The following DNAJC17 variants were observed in gnomAD, a reference collection of about 807,000 sequenced individuals.
DNAJC17 encodes the protein dnaJ homolog subfamily C member 17.
Under a neutral mutation model 48.1 loss-of-function variants are expected in DNAJC17, and 35 were observed. The ratio of observed to expected loss-of-function variants is 0.73; its 90% CI spans 0.56 to 0.96. DNAJC17 has a LOEUF of 0.96. Among genes scored for constraint, DNAJC17 ranks in the 50% least tolerant of loss-of-function variants. DNAJC17 has a pLI of 0.00. For synonymous variants in DNAJC17, 117 were observed against 142.7 expected (o/e 0.82, Z 1.28); for missense variants, 355 against 377.1 (o/e 0.94, Z 0.48).
chr15:40,784,253 G>A (rs2141954724), intron 1 of DNAJC17, among the ~76,000 whole-genome samples: 1 of 152,188 alleles, frequency 6.6e-6, no homozygotes, highest in South Asian at 2.1e-4. Flanking sequence ...AAGCAAGACA[G>A]AAGGGGTGTC....
At chr15:40,779,024 C>T (rs766054364) in intron 4 of DNAJC17, 199 bp downstream of exon 4, 4 of 652,024 alleles carry the variant, frequency 6.1e-6, no homozygotes, top group Non-Finnish European at 1.1e-5. Context: ...TGTCACAATG[C>T]TTAGCTAATA....
chr15:40,765,200 T>C lies in DNAJC17; in HGVS notation c.*2740A>G, dbSNP rs1888922007. On this transcript the variant is annotated 3_prime_UTR_variant, in exon 11 of 11. Coordinates refer to ENST00000220496, the MANE Select transcript of DNAJC17 (RefSeq NM_018163.3). ...TGGCTTTATTGATATGTAATGTGCA[T>C]ACCATAAATTCTTTGATTTAAAGTG... 1 of 152,260 alleles carries C rather than the reference T, an allele frequency of 6.6e-6. No individual in the cohort carries two copies. The highest frequency in any genetic ancestry group is 1.5e-5 in the Non-Finnish European group (1 of 68,046). 9.4% of individuals were successfully genotyped at this position (152,260 alleles called of 1,614,324 possible). A position where few individuals can be genotyped will look rare whatever the true frequency, so the allele number is the denominator to read the frequency against.
At chr15:40,796,909 G>A (rs985099188) in intron 1 of DNAJC17, among the ~76,000 whole-genome samples, 8 of 152,202 alleles carry the variant, frequency 5.3e-5, no homozygotes, top group Admixed American at 2.0e-4. Flanking sequence ...ACGGGCGTGC[G>A]CCACCACAAT....
chr15:40,796,720 A>T (rs1477010449), intron 1 of DNAJC17, among the ~76,000 whole-genome samples: 1 of 152,184 alleles, frequency 6.6e-6, no homozygotes, highest in African/African-American at 2.4e-5. Context: ...ACATAGAATT[A>T]CCATATGATC....
chr15:40,775,306 G>A (rs150688545), intron 7 of DNAJC17, 198 bp from the exon 8 acceptor site: 13 of 702,212 alleles, frequency 1.9e-5, no homozygotes, highest in Middle Eastern at 4.1e-4. Flanking sequence ...GACGCTTCCC[G>A]CCCAGAAGAC....
At chr15:40,771,245 C>T in intron 10 of DNAJC17, 1 of 577,254 alleles carries the variant, frequency 1.7e-6, no homozygotes. Context: ...CAGAGGCAAT[C>T]TGGAAATGTT....
In DNAJC17 at chr15:40,765,906, C is replaced by A. The variant is rs1175733364; in HGVS notation, c.*2034G>T. 1.5e-5 allele frequency: 23 copies of A among 1,564,552 alleles called. No homozygotes were observed. Among genetic ancestry groups the A allele is most frequent in the Non-Finnish European group, 1.9e-5 (22 of 1,144,884 alleles). On this transcript the variant is annotated 3_prime_UTR_variant, in exon 11 of 11. Transcript: ENST00000220496. Reference sequence around the variant, plus strand: ...CATCTGGGGGCTTCAAAGAGAAGAGCCTTGGGAAACAACTTGTAAGTAGCA... The same window carrying A: ...CATCTGGGGGCTTCAAAGAGAAGAGACTTGGGAAACAACTTGTAAGTAGCA...
At position 40,767,313 on chromosome 15, in the gene DNAJC17, G is replaced by A. The variant is rs770814286; in HGVS notation, c.*627C>T. 1 of 1,603,852 alleles carries A rather than the reference G, an allele frequency of 6.2e-7. No homozygotes were observed. Among genetic ancestry groups the A allele is most frequent in the South Asian group, 1.1e-5 (1 of 89,492 alleles). On this transcript the variant is annotated 3_prime_UTR_variant, in exon 11 of 11. Coordinates refer to ENST00000220496, the MANE Select transcript of DNAJC17 (RefSeq NM_018163.3). ...TCCGTGTGCTGAGCATGACGGGGGTGGGCCAGACGCTGGTGTGGTGTCTGC... is the reference window on the plus strand; with the variant it reads ...TCCGTGTGCTGAGCATGACGGGGGTAGGCCAGACGCTGGTGTGGTGTCTGC...
intron 1 of DNAJC17, among the ~76,000 whole-genome samples, chr15:40,786,331 T>A (rs1196940364): frequency 6.6e-6 from 1 of 152,216 alleles, no homozygotes; most frequent in Non-Finnish European, 1.5e-5. Flanking sequence ...TAAACAGGAC[T>A]GCTGAAAGCC....
chr15:40,789,841 T>C (rs139982744), intron 1 of DNAJC17, among the ~76,000 whole-genome samples: 7 of 134,436 alleles, frequency 5.2e-5, no homozygotes, highest in Non-Finnish European at 1.1e-4. Flanking sequence ...GGGAGGCGCA[T>C]CTTGCAGTGA....
At chr15:40,801,260 C>A (rs1477977121) in intron 1 of DNAJC17, among the ~76,000 whole-genome samples, 1 of 152,106 alleles carries the variant, frequency 6.6e-6, no homozygotes, top group African/African-American at 2.4e-5. Context: ...GACAAATAAT[C>A]ACACAGATAA....
intron 2 of DNAJC17, 126 bp from the exon 3 acceptor site, chr15:40,779,729 T>C: frequency 8.3e-7 from 1 of 1,202,864 alleles, no homozygotes; most frequent in Non-Finnish European, 1.2e-6. Flanking sequence ...CATCAGCAGA[T>C]GACAGACCAA....
chr15:40,802,061 T>A (rs1596102579), intron 1 of DNAJC17, among the ~76,000 whole-genome samples: 1 of 151,544 alleles, frequency 6.6e-6, no homozygotes, highest in Admixed American at 6.6e-5. Flanking sequence ...GATAGGGAGG[T>A]ACTGAGAATG....
At chr15:40,780,939 GAGT>G (rs1478160934) in intron 1 of DNAJC17, among the ~76,000 whole-genome samples, 3 of 151,856 alleles carry the variant, frequency 2.0e-5, no homozygotes, top group Non-Finnish European at 4.4e-5. Context: ...TTGAGGTCAG[GAGT>G]AGGAGACCAG....
chr15:40,801,504 C>T (rs1271052312), intron 1 of DNAJC17, among the ~76,000 whole-genome samples: 1 of 152,070 alleles, frequency 6.6e-6, no homozygotes, highest in Non-Finnish European at 1.5e-5. Context: ...CGCCTGCAAT[C>T]CCAGCACTTT....
At chr15:40,773,870 C>T (rs1212549083) in intron 9 of DNAJC17, 33 bp from the exon 10 acceptor site, 4 of 1,586,292 alleles carry the variant, frequency 2.5e-6, no homozygotes, top group East Asian at 4.5e-5. Flanking sequence ...CTGTCCCATC[C>T]GTTGAGTCAG....
intron 4 of DNAJC17, among the ~76,000 whole-genome samples, chr15:40,777,873 G>A (rs191606875): frequency 2.0e-5 from 3 of 152,064 alleles, no homozygotes; most frequent in East Asian, 3.9e-4. Flanking sequence ...GTAAATTTAC[G>A]AAAAATCATT....
chr15:40,777,370 A>G (rs1414570042), intron 4 of DNAJC17, among the ~76,000 whole-genome samples: 1 of 146,738 alleles, frequency 6.8e-6, no homozygotes, highest in Non-Finnish European at 1.5e-5. Context: ...ATATGCACAT[A>G]TTAAAATATA....
Position 40,765,792 on chromosome 15 carries a change from A to T in DNAJC17, c.*2148T>A. 1 of 1,154,816 alleles carries T rather than the reference A, an allele frequency of 8.7e-7. No individual in the cohort carries two copies. The highest frequency in any genetic ancestry group is 1.2e-6 in the Non-Finnish European group (1 of 800,818). 71.5% of individuals were successfully genotyped at this position (1,154,816 alleles called of 1,614,324 possible). A position where few individuals can be genotyped will look rare whatever the true frequency, so the allele number is the denominator to read the frequency against. ...GCAAGACCTTCCACCTCCTCCTGGC[A>T]GCCAGCCAAGCAGCCACTGTGGCTT... On this transcript the variant is annotated 3_prime_UTR_variant, in exon 11 of 11. Transcript: ENST00000220496.
Sources: allele counts gnomAD v4.1 joint callset (sites outside exome capture counted in the v4.1 genomes callset), GRCh38; gene constraint gnomAD v4.1.1; transcripts MANE v1.5; gene names NCBI Gene and HGNC (gene_info 2026-07-23, HGNC 2026-07-21).